The following NKAIN1 variants were observed in gnomAD, a reference collection of about 807,000 sequenced individuals.
NKAIN1 encodes the protein sodium/potassium transporting ATPase interacting 1, also known as sodium/potassium-transporting ATPase subunit beta-1-interacting protein 1.
NKAIN1 carries 13 observed loss-of-function variants against 31.6 expected under a neutral mutation model. The observed-to-expected ratio is 0.41, with a 90% CI of 0.27 to 0.65. The LOEUF (loss-of-function observed/expected upper bound fraction) is 0.65. Ranked by LOEUF, NKAIN1 falls within the 30% of genes least tolerant of loss-of-function variation. The pLI is 0.30. For missense variants in NKAIN1, 193 were observed against 262.2 expected (o/e 0.74, Z 1.82); for synonymous variants, 104 against 109.0 (o/e 0.95, Z 0.28).
intron 1 of NKAIN1, among the ~76,000 whole-genome samples, chr1:31,213,150 T>A (rs1427925871): frequency 2.1e-5 from 3 of 145,998 alleles, no homozygotes; most frequent in Non-Finnish European, 3.0e-5. Flanking sequence ...AAGTGAGAAG[T>A]CAACCCATAC....
At chr1:31,225,880 G>T (rs561711896) in intron 1 of NKAIN1, among the ~76,000 whole-genome samples, 1 of 152,338 alleles carries the variant, frequency 6.6e-6, no homozygotes, top group South Asian at 2.1e-4. Flanking sequence ...ACATTTCGGT[G>T]ACTGCCACCT....
chr1:31,205,028 A>G (rs1395692747), intron 1 of NKAIN1, among the ~76,000 whole-genome samples: 2 of 152,256 alleles, frequency 1.3e-5, no homozygotes, highest in Non-Finnish European at 1.5e-5. Flanking sequence ...CCTCAACTGT[A>G]AAATGGGAAC....
At chr1:31,218,071 T>TCTTTCTTTCTTTCTTTCTC (rs201070152) in intron 1 of NKAIN1, among the ~76,000 whole-genome samples, 2 of 133,614 alleles carry the variant, frequency 1.5e-5, no homozygotes, top group African/African-American at 5.7e-5. Flanking sequence ...TTTCTTTCTT[T>TCTTTCTTTCTTTCTTTCTC]TTTTTTTTTG....
Position 31,214,269 on chromosome 1 carries a change from A to G in NKAIN1, c.54+25225T>C, listed in dbSNP as rs893186075. On this transcript the variant is annotated intron_variant, in intron 1 of 6. Transcript: ENST00000373736. ...AGAAAGTGGATTAGTGGTTGCCAGA[A>G]GCTGGTGGCAAGGGGGAGTGGGGAG... is the stretch of plus-strand genomic sequence containing the variant. Among the ~76,000 whole-genome samples, 14 of 152,084 alleles carry G rather than the reference A, an allele frequency of 9.2e-5. No individual in the cohort carries two copies. The South Asian group carries it at 2.9e-3, about 32-fold the overall frequency.
Position 31,182,536 on chromosome 1 carries a change from C to T in NKAIN1, c.526G>A (p.Asp176Asn). Residue 176 changes from aspartate (D) to asparagine (N), a missense_variant, in exon 5 of 7, where the codon GAC becomes AAC. Physicochemically the swap from Asp to Asn is conservative, Grantham distance 23 (BLOSUM62 1). Transcript: ENST00000373736. ...YVSKVFLEEE[D>N]SFDFIGGFDS... Reference sequence around the variant, plus strand: ...CCAGGGGCGCCTTACTCACAGCTGTCCTCCTCCTCCAGGAACACTTTGCTC... The same window carrying T: ...CCAGGGGCGCCTTACTCACAGCTGTTCTCCTCCTCCAGGAACACTTTGCTC... 6.2e-7 allele frequency: 1 copy of T among 1,614,016 alleles called. No homozygotes were observed.
intron 1 of NKAIN1, among the ~76,000 whole-genome samples, chr1:31,204,323 G>A (rs1645407023): frequency 6.6e-6 from 1 of 152,150 alleles, no homozygotes; most frequent in Non-Finnish European, 1.5e-5. Flanking sequence ...CTGGAAGTGG[G>A]AGACCAGGAG....
intron 1 of NKAIN1, among the ~76,000 whole-genome samples, chr1:31,221,993 C>T (rs1322113036): frequency 6.6e-6 from 1 of 152,182 alleles, no homozygotes; most frequent in African/African-American, 2.4e-5. Context: ...ATCCTCCTGC[C>T]TCAGCCTCCT....
intron 1 of NKAIN1, among the ~76,000 whole-genome samples, chr1:31,236,311 A>G (rs1001678360): frequency 1.3e-5 from 2 of 152,096 alleles, no homozygotes; most frequent in African/African-American, 2.4e-5. Flanking sequence ...CCCTCACCCA[A>G]ATCACATCTA....
intron 1 of NKAIN1, among the ~76,000 whole-genome samples, chr1:31,209,577 A>C (rs1162179109): frequency 6.6e-6 from 1 of 152,134 alleles, no homozygotes; most frequent in Non-Finnish European, 1.5e-5. Flanking sequence ...CCAATGTTTT[A>C]GGAAGCTGAT....
At chr1:31,194,545 T>G (rs1451477051) in intron 1 of NKAIN1, among the ~76,000 whole-genome samples, 1 of 151,080 alleles carries the variant, frequency 6.6e-6, no homozygotes, top group Non-Finnish European at 1.5e-5. Context: ...TAGCTGGGAT[T>G]ACAGGTGTGT....
intron 1 of NKAIN1, among the ~76,000 whole-genome samples, chr1:31,218,058 TTCTTTCTTTC>T (rs1645530123): frequency 7.6e-5 from 11 of 143,888 alleles, no homozygotes; most frequent in African/African-American, 2.6e-4. Context: ...CTTTCTTTCT[TTCTTTCTTTC>T]TTTTTTTTTT....
intron 1 of NKAIN1, among the ~76,000 whole-genome samples, chr1:31,232,832 G>A (rs1226410040): frequency 1.3e-5 from 2 of 152,032 alleles, no homozygotes; most frequent in Non-Finnish European, 1.5e-5. Flanking sequence ...TGACTACTCT[G>A]AGGCTCAGAC....
At position 31,182,553 on chromosome 1, in the gene NKAIN1, A is replaced by G. The variant is rs763208122; in HGVS notation, c.509T>C (p.Val170Ala). The change falls in exon 5 of 7, where the codon GTG becomes GCG. Residue 170 changes from valine to alanine, a missense_variant. Coordinates refer to ENST00000373736, the MANE Select transcript of NKAIN1 (RefSeq NM_024522.3). Reference sequence around the variant, plus strand: ...ACAGCTGTCCTCCTCCTCCAGGAACACTTTGCTCACGTAGCAGGCGAACAC... The same window carrying G: ...ACAGCTGTCCTCCTCCTCCAGGAACGCTTTGCTCACGTAGCAGGCGAACAC... ...GFVFACYVSKVFLEEEDSFDF... is the reference protein window; with the variant it reads ...GFVFACYVSKAFLEEEDSFDF... 12 of 1,613,982 alleles carry G rather than the reference A, an allele frequency of 7.4e-6. No homozygotes were observed. The highest frequency in any genetic ancestry group is 3.3e-5 in the Admixed American group (2 of 59,992).
At chr1:31,212,769 G>C (rs11584136) in intron 1 of NKAIN1, among the ~76,000 whole-genome samples, 83,924 of 151,422 alleles carry the variant, frequency 0.55, 27,739 homozygotes, top group Middle Eastern at 0.83. Context: ...CAGAGGCCGA[G>C]GTGGGCGGAT....
intron 1 of NKAIN1, among the ~76,000 whole-genome samples, chr1:31,194,499 C>T (rs376401482): frequency 2.7e-5 from 4 of 150,046 alleles, no homozygotes; most frequent in East Asian, 2.0e-4. Flanking sequence ...CTCCGCCTCC[C>T]GGGTTCAAGT....
chr1:31,203,836 C>T (rs1645403428), intron 1 of NKAIN1, among the ~76,000 whole-genome samples: 1 of 152,106 alleles, frequency 6.6e-6, no homozygotes, highest in Admixed American at 6.6e-5. Context: ...TAGCCCGCCT[C>T]GGCCTTCCAA....
intron 1 of NKAIN1, among the ~76,000 whole-genome samples, chr1:31,195,760 C>T (rs901593754): frequency 2.0e-5 from 3 of 151,224 alleles, no homozygotes; most frequent in Non-Finnish European, 4.4e-5. Flanking sequence ...CCCACCTCTA[C>T]AAAAAATACA....
chr1:31,202,039 A>T (rs1024961611), intron 1 of NKAIN1, among the ~76,000 whole-genome samples: 1 of 152,170 alleles, frequency 6.6e-6, no homozygotes, highest in Non-Finnish European at 1.5e-5. Flanking sequence ...CTTCTGCATC[A>T]TTAGCCCTCA....
intron 1 of NKAIN1, among the ~76,000 whole-genome samples, chr1:31,203,022 C>T (rs1645395204): frequency 6.9e-6 from 1 of 144,040 alleles, no homozygotes; most frequent in Non-Finnish European, 1.5e-5. Flanking sequence ...GCGGGTAATC[C>T]CAGCACTTTG....
Sources: allele counts gnomAD v4.1 joint callset (sites outside exome capture counted in the v4.1 genomes callset), GRCh38; gene constraint gnomAD v4.1.1; transcripts MANE v1.5; gene names NCBI Gene and HGNC (gene_info 2026-07-23, HGNC 2026-07-21).